FRMD5: variants seen among roughly 807,000 people sequenced by gnomAD.
FRMD5 encodes FERM domain containing 5.
A neutral mutation model predicts 69.0 loss-of-function variants in FRMD5; 20 were observed. The observed-to-expected ratio is 0.29, with a 90% CI of 0.20 to 0.42. The LOEUF (loss-of-function observed/expected upper bound fraction) is 0.42, where lower values mean the gene tolerates loss of function less well. FRMD5 is among the 10% of genes least tolerant of loss of function. The probability of loss-of-function intolerance (pLI) is 1.00; values close to 1 mark genes in which losing one functional copy is unlikely to be tolerated. For missense variants in FRMD5, 595 were observed against 708.6 expected (o/e 0.84, Z 1.82); for synonymous variants, 271 against 260.1 (o/e 1.04, Z -0.40).
At chr15:43,991,125 T>C (rs779862562) in intron 1 of FRMD5, among the ~76,000 whole-genome samples, 2 of 152,244 alleles carry the variant, frequency 1.3e-5, no homozygotes, top group Non-Finnish European at 2.9e-5. Context: ...GTATGACCTG[T>C]ACAGGTCTCT....
chr15:43,874,205 T>G lies in FRMD5; in HGVS notation c.1393A>C (p.Ser465Arg). The G allele has an allele frequency of 6.2e-7, 1 of 1,614,248 alleles. No homozygotes were observed. Among genetic ancestry groups the G allele is most frequent in the South Asian group, 1.1e-5 (1 of 91,084 alleles). Reference sequence around the variant, plus strand: ...TCCACCTCTGTAGCAGTTGGGGTGCTGGCTTCAGATTCCTTCTCCTCCTCA... The same window carrying G: ...TCCACCTCTGTAGCAGTTGGGGTGCGGGCTTCAGATTCCTTCTCCTCCTCA... ...SIEEEKESEA[S>R]TPTATEVEAL... The change falls in exon 14 of 14, where the codon AGC (serine) becomes CGC (arginine). Residue 465 changes from serine to arginine, a missense_variant. Physicochemically the swap from Ser to Arg is moderately radical, Grantham distance 110 (BLOSUM62 -1). This residue lies in a region of FRMD5 where 245 missense variants were observed against 227.1 expected (regional missense o/e 1.08). Transcript: ENST00000417257.
chr15:44,033,957 A>C (rs1891799273), intron 1 of FRMD5, among the ~76,000 whole-genome samples: 1 of 152,182 alleles, frequency 6.6e-6, no homozygotes, highest in African/African-American at 2.4e-5. Flanking sequence ...TATTTATTTG[A>C]TCTAGAGTAT....
intron 1 of FRMD5, among the ~76,000 whole-genome samples, chr15:44,090,347 T>C (rs970191032): frequency 6.6e-6 from 1 of 152,088 alleles, no homozygotes; most frequent in African/African-American, 2.4e-5. Flanking sequence ...TTTCAGAATA[T>C]ACAAGATTTA....
chr15:43,905,734 AAC>A, intron 6 of FRMD5, 92 bp downstream of exon 6: 1 of 1,495,974 alleles, frequency 6.7e-7, no homozygotes, highest in Non-Finnish European at 9.2e-7. Context: ...TGTGTCAGTA[AAC>A]AGTCTGCGAG....
At chr15:44,048,003 G>T (rs1892501930) in intron 1 of FRMD5, among the ~76,000 whole-genome samples, 1 of 152,078 alleles carries the variant, frequency 6.6e-6, no homozygotes, top group Non-Finnish European at 1.5e-5. Flanking sequence ...TATGAAAAAT[G>T]CTGCTATGAA....
intron 7 of FRMD5, among the ~76,000 whole-genome samples, chr15:43,900,619 GTT>G (rs1200733106): frequency 2.8e-5 from 4 of 141,952 alleles, no homozygotes; most frequent in East Asian, 2.1e-4. Context: ...TTCATTCCTG[GTT>G]TTTTTTTTTT....
At chr15:44,139,324 C>T (rs2077232631) in intron 1 of FRMD5, among the ~76,000 whole-genome samples, 1 of 151,668 alleles carries the variant, frequency 6.6e-6, no homozygotes, top group South Asian at 2.1e-4. Context: ...CACACACACA[C>T]ACACACTTTC....
intron 1 of FRMD5, among the ~76,000 whole-genome samples, chr15:44,129,013 G>T (rs1395462705): frequency 2.0e-5 from 3 of 152,120 alleles, no homozygotes; most frequent in Admixed American, 1.3e-4. Context: ...ACAGTCAACA[G>T]CACTGGGCAT....
chr15:43,949,231 T>TC (rs2089991118), intron 1 of FRMD5, among the ~76,000 whole-genome samples: 1 of 152,202 alleles, frequency 6.6e-6, no homozygotes, highest in Non-Finnish European at 1.5e-5. Context: ...TTCCCTGACA[T>TC]CCCTAGCAGT....
chr15:44,017,434 C>T (rs141463853), intron 1 of FRMD5, among the ~76,000 whole-genome samples: 87 of 151,478 alleles, frequency 5.7e-4, no homozygotes, highest in Middle Eastern at 3.4e-3. Flanking sequence ...ATTTTGTAAA[C>T]GGTTAAGGCC....
At chr15:44,070,884 T>C (rs1246496889) in intron 1 of FRMD5, among the ~76,000 whole-genome samples, 2 of 152,242 alleles carry the variant, frequency 1.3e-5, no homozygotes, top group Non-Finnish European at 2.9e-5. Flanking sequence ...AAATCATCTC[T>C]GTAACTTTCA....
At chr15:44,125,910 C>T (rs1021855668) in intron 1 of FRMD5, among the ~76,000 whole-genome samples, 1 of 152,190 alleles carries the variant, frequency 6.6e-6, no homozygotes, top group African/African-American at 2.4e-5. Context: ...CCCAGGACAT[C>T]TTAGCCTTTT....
intron 13 of FRMD5, among the ~76,000 whole-genome samples, chr15:43,883,480 C>G (rs142105364): frequency 3.2e-4 from 48 of 152,322 alleles, no homozygotes; most frequent in African/African-American, 1.1e-3. Context: ...AAAGGGCTAA[C>G]CCAGCACCCT....
intron 1 of FRMD5, among the ~76,000 whole-genome samples, chr15:44,119,641 G>GT (rs1178557491): frequency 6.6e-6 from 1 of 152,026 alleles, no homozygotes; most frequent in African/African-American, 2.4e-5. Context: ...AGAGAAGGCA[G>GT]TTTATGCATT....
intron 1 of FRMD5, among the ~76,000 whole-genome samples, chr15:44,052,333 T>C (rs938417187): frequency 6.6e-6 from 1 of 152,176 alleles, no homozygotes; most frequent in African/African-American, 2.4e-5. Context: ...ACGCAACCAT[T>C]GTGTTTCTTT....
rs1238132691 is a variant in FRMD5 at position 43,873,664 on chromosome 15, T to C, written c.*221A>G. On this transcript the variant is annotated 3_prime_UTR_variant, in exon 14 of 14. Coordinates refer to ENST00000417257, the MANE Select transcript of FRMD5 (RefSeq NM_032892.5). Reference sequence around the variant, plus strand: ...CAGAGTCGCTGAGCCTTTCTTGAAATAACTTCTGAAGAAAATGAGTTTTCC... The same window carrying C: ...CAGAGTCGCTGAGCCTTTCTTGAAACAACTTCTGAAGAAAATGAGTTTTCC... The C allele has an allele frequency of 1.3e-6, 2 of 1,493,068 alleles. No individual in the cohort carries two copies. Among genetic ancestry groups the C allele is most frequent in the Admixed American group, 2.4e-5 (1 of 41,712 alleles). 92.5% of individuals were successfully genotyped at this position (1,493,068 alleles called of 1,614,324 possible). A position where few individuals can be genotyped will look rare whatever the true frequency, so the allele number is the denominator to read the frequency against.
intron 1 of FRMD5, among the ~76,000 whole-genome samples, chr15:44,190,258 C>T (rs866050567): frequency 6.6e-6 from 1 of 152,228 alleles, no homozygotes; most frequent in South Asian, 2.1e-4. Context: ...TAACTAGAAA[C>T]AGGATGGGAA....
At chr15:43,989,114 T>C in intron 1 of FRMD5, 1 of 987,556 alleles carries the variant, frequency 1.0e-6, no homozygotes, top group Middle Eastern at 3.0e-4. Flanking sequence ...TATTCCTGCT[T>C]GCTGATCCAC....
chr15:43,976,830 CT>C (rs35536383), intron 1 of FRMD5, among the ~76,000 whole-genome samples: 153 of 144,006 alleles, frequency 1.1e-3, no homozygotes, highest in African/African-American at 1.1e-3. Flanking sequence ...CCATGACCAA[CT>C]TTTTTTTTTT....
Sources: gnomAD v4.1 joint callset for allele counts (sites outside exome capture counted in the v4.1 genomes callset) on GRCh38, gnomAD v4.1.1 for gene constraint, gnomAD v4.1.1 regional missense constraint, MANE v1.5 for transcripts, NCBI Gene and HGNC (gene_info 2026-07-23, HGNC 2026-07-21) for gene names.